The following LRRC20 variants were observed in gnomAD, a reference collection of about 807,000 sequenced individuals.
LRRC20 encodes the protein leucine-rich repeat-containing protein 20.
Under a neutral mutation model 14.4 loss-of-function variants are expected in LRRC20, and 11 were observed. The observed-to-expected ratio is 0.77, with a 90% confidence interval of 0.48 to 1.27. The LOEUF is 1.27. LRRC20 is among the 50% of genes most tolerant of loss of function. LRRC20 has a pLI of 0.00. For synonymous variants in LRRC20, 121 were observed against 107.3 expected (o/e 1.13, Z -0.79); for missense variants, 219 against 251.2 (o/e 0.87, Z 0.87).
At chr10:70,312,719 C>T (rs1469864100) in intron 4 of LRRC20, among the ~76,000 whole-genome samples, 1 of 152,144 alleles carries the variant, frequency 6.6e-6, no homozygotes, top group Non-Finnish European at 1.5e-5. Flanking sequence ...TCAGGCAAGC[C>T]CCTTCACATC....
chr10:70,303,372 T>G (rs1316915705), intron 4 of LRRC20, among the ~76,000 whole-genome samples: 1 of 152,164 alleles, frequency 6.6e-6, no homozygotes, highest in African/African-American at 2.4e-5. Flanking sequence ...TTATCAGGAC[T>G]CCTGATAATG....
chr10:70,319,653 G>A (rs77837084), intron 4 of LRRC20, among the ~76,000 whole-genome samples: 5,515 of 152,188 alleles, frequency 0.036, 158 homozygotes, highest in East Asian at 0.096. Context: ...GTTGAGACTC[G>A]CATCTCATTC....
At chr10:70,343,609 T>A (rs1842986916) in intron 2 of LRRC20, among the ~76,000 whole-genome samples, 1 of 152,188 alleles carries the variant, frequency 6.6e-6, no homozygotes, top group Non-Finnish European at 1.5e-5. Context: ...AAGCAAGGGC[T>A]GAGCTGGAAG....
intron 4 of LRRC20, among the ~76,000 whole-genome samples, chr10:70,305,849 T>C (rs1841400214): frequency 6.6e-6 from 1 of 151,652 alleles, no homozygotes; most frequent in Admixed American, 6.6e-5. Context: ...CACGCCATTC[T>C]CCTGCCTCAG....
At chr10:70,370,270 G>A (rs1157166266) in intron 2 of LRRC20, among the ~76,000 whole-genome samples, 1 of 152,134 alleles carries the variant, frequency 6.6e-6, no homozygotes, top group African/African-American at 2.4e-5. Context: ...TCACACTCAG[G>A]CACCTGACCA....
At chr10:70,380,083 C>A (rs542672767) in intron 1 of LRRC20, among the ~76,000 whole-genome samples, 1 of 152,322 alleles carries the variant, frequency 6.6e-6, no homozygotes, top group East Asian at 1.9e-4. Context: ...CCATCCACAG[C>A]CCAGGGGTTG....
chr10:70,344,431 T>C (rs928103257), intron 2 of LRRC20, among the ~76,000 whole-genome samples: 1 of 152,070 alleles, frequency 6.6e-6, no homozygotes, highest in Non-Finnish European at 1.5e-5. Context: ...GATATTCCTA[T>C]GCACCAGCAA....
intron 2 of LRRC20, among the ~76,000 whole-genome samples, chr10:70,344,869 C>G (rs996874092): frequency 6.6e-6 from 1 of 152,226 alleles, no homozygotes; most frequent in East Asian, 1.9e-4. Flanking sequence ...ACCCGGCCCA[C>G]AAAGACATTT....
At chr10:70,335,497 G>A (rs1842700592) in intron 3 of LRRC20, among the ~76,000 whole-genome samples, 1 of 152,230 alleles carries the variant, frequency 6.6e-6, no homozygotes, top group Non-Finnish European at 1.5e-5. Context: ...CCAGGCTCTT[G>A]AGATGAGGGA....
At position 70,317,891 on chromosome 10, in the gene LRRC20, A is replaced by G. The variant is rs190145890; in HGVS notation, c.400+5972T>C. Reference sequence around the variant, plus strand: ...CACTGTCTGGCCTGGCAGGAGGCAGAGCTTTGGGTCCAGAAACATTTGTTT... The same window carrying G: ...CACTGTCTGGCCTGGCAGGAGGCAGGGCTTTGGGTCCAGAAACATTTGTTT... On this transcript the variant is annotated intron_variant, in intron 4 of 4. Transcript: ENST00000446961. Among the ~76,000 whole-genome samples, 299 of 152,316 alleles carry G rather than the reference A, an allele frequency of 2.0e-3. 1 individual carries two copies. Among genetic ancestry groups the G allele is most frequent in the Non-Finnish European group, 3.4e-3 (233 of 68,028 alleles).
chr10:70,341,689 G>A (rs1163421488), intron 2 of LRRC20, among the ~76,000 whole-genome samples: 2 of 152,110 alleles, frequency 1.3e-5, no homozygotes, highest in Non-Finnish European at 2.9e-5. Context: ...AATCACTTGA[G>A]CCTGGGAGGT....
In LRRC20 at chr10:70,335,515, G is replaced by A. The variant is rs532145806; in HGVS notation, c.232+5038C>T. On this transcript the variant is annotated intron_variant, in intron 3 of 4. Coordinates refer to ENST00000446961, the MANE Select transcript of LRRC20 (RefSeq NM_001278212.2). The stretch of plus-strand genomic sequence containing the variant: ...GGCTCTTGAGATGAGGGAACTCATC[G>A]CTTTGGAGGGCAGAAGGAGCTCGCA... 7.0e-4 allele frequency among the ~76,000 whole-genome samples: 106 copies of A among 152,320 alleles called. No individual in the cohort carries two copies. The Middle Eastern group carries it at 0.01, about 15-fold the overall frequency.
rs114157806 is a variant in LRRC20 at position 70,375,337 on chromosome 10, T to G, written c.82+1115A>C. 4.8e-3 allele frequency among the ~76,000 whole-genome samples: 734 copies of G among 152,112 alleles called. 6 individuals are homozygous for G. The highest frequency in any genetic ancestry group is 0.017 in the African/African-American group (700 of 41,474). The stretch of plus-strand genomic sequence containing the variant: ...CAGGGGGAAGCAAACAACCACAGGG[T>G]CCCTGTGCTCTACAGATGCTGAAGG... On this transcript the variant is annotated intron_variant, in intron 2 of 4. Coordinates refer to ENST00000446961, the MANE Select transcript of LRRC20 (RefSeq NM_001278212.2).
intron 2 of LRRC20, among the ~76,000 whole-genome samples, chr10:70,347,097 G>A (rs1324825206): frequency 2.0e-5 from 3 of 152,156 alleles, no homozygotes; most frequent in African/African-American, 7.2e-5. Flanking sequence ...TGCTGCCCAG[G>A]CTGGTCTTGA....
At chr10:70,362,988 G>A (rs1416138960) in intron 2 of LRRC20, among the ~76,000 whole-genome samples, 2 of 152,052 alleles carry the variant, frequency 1.3e-5, no homozygotes, top group African/African-American at 2.4e-5. Context: ...CCAGGCCAGT[G>A]CAGTGGTTCA....
chr10:70,326,978 T>C (rs1213334474), intron 3 of LRRC20, among the ~76,000 whole-genome samples: 1 of 152,172 alleles, frequency 6.6e-6, no homozygotes, highest in Non-Finnish European at 1.5e-5. Flanking sequence ...AGAATTTTTT[T>C]AAATGGGCTT....
At chr10:70,324,413 C>T (rs569306128) in intron 3 of LRRC20, among the ~76,000 whole-genome samples, 1 of 152,340 alleles carries the variant, frequency 6.6e-6, no homozygotes, top group East Asian at 1.9e-4. Flanking sequence ...CTCGGGGCTC[C>T]CCACACTCCA....
At chr10:70,306,272 T>C (rs1352857712) in intron 4 of LRRC20, among the ~76,000 whole-genome samples, 1 of 152,154 alleles carries the variant, frequency 6.6e-6, no homozygotes, top group Non-Finnish European at 1.5e-5. Context: ...GGTATTCACA[T>C]TGATAGAATG....
At chr10:70,315,886 A>G (rs535422124) in intron 4 of LRRC20, among the ~76,000 whole-genome samples, 1 of 152,304 alleles carries the variant, frequency 6.6e-6, no homozygotes, top group East Asian at 1.9e-4. Context: ...GCTGCAACCC[A>G]GTGTCTCAGC....
Sources: gnomAD v4.1 joint callset for allele counts (sites outside exome capture counted in the v4.1 genomes callset) on GRCh38, gnomAD v4.1.1 for gene constraint, MANE v1.5 for transcripts, NCBI Gene and HGNC (gene_info 2026-07-23, HGNC 2026-07-21) for gene names.